MAP3K10: variants seen among roughly 807,000 people sequenced by gnomAD.
MAP3K10 encodes MKN28 derived nonreceptor_type serine/threonine kinase.
In MAP3K10, 22 loss-of-function variants were observed where a neutral mutation model predicts 75.0. That is an observed-to-expected ratio of 0.29 (90% CI 0.21 to 0.42). The LOEUF (loss-of-function observed/expected upper bound fraction) is 0.42. Among genes scored for constraint, MAP3K10 ranks in the 10% least tolerant of loss-of-function variants. The pLI, the probability that MAP3K10 is intolerant of heterozygous loss-of-function variation, is 1.00. For synonymous variants in MAP3K10, 599 were observed against 612.9 expected (o/e 0.98, Z 0.34); for missense variants, 1,165 against 1,379.8 (o/e 0.84, Z 2.47).
chr19:40,208,974 C>T, intron 5 of MAP3K10, 129 bp from the exon 6 acceptor site: 1 of 702,732 alleles, frequency 1.4e-6, no homozygotes, highest in Non-Finnish European at 2.5e-6. Flanking sequence ...CTCTGAGAAC[C>T]ACTGCATTAA....
In MAP3K10 at chr19:40,213,500, G is replaced by A. The variant is rs761865209; in HGVS notation, c.1838-17G>A. On this transcript the variant is annotated splice_polypyrimidine_tract_variant and intron_variant, in intron 8 of 9. Coordinates refer to ENST00000253055, the MANE Select transcript of MAP3K10 (RefSeq NM_002446.4). This position sits in a 1 kb window ranked among gnomAD's most constrained non-coding sequence, Gnocchi z 5.7. Reference sequence around the variant, plus strand: ...TGGCCAGCCCTGCAGCGGAGTGATGGCCCTCTCCGGTTGCAGAGGAGTTCG... The same window carrying A: ...TGGCCAGCCCTGCAGCGGAGTGATGACCCTCTCCGGTTGCAGAGGAGTTCG... 2 of 1,609,972 alleles carry A rather than the reference G, an allele frequency of 1.2e-6. No homozygotes were observed. The highest frequency in any genetic ancestry group is 1.1e-5 in the South Asian group (1 of 90,724).
Position 40,198,607 on chromosome 19 carries a change from G to C in MAP3K10, c.863+52G>C. 1 of 1,544,580 alleles carries C rather than the reference G, an allele frequency of 6.5e-7. No individual in the cohort carries two copies. The highest frequency in any genetic ancestry group is 8.8e-7 in the Non-Finnish European group (1 of 1,134,734). Reference sequence around the variant, plus strand: ...CTCTGGGGAGTAAGGGAGGGAGGAAGGGGTGAGGGCAGAGTGGGAGGGAGG... The same window carrying C: ...CTCTGGGGAGTAAGGGAGGGAGGAACGGGTGAGGGCAGAGTGGGAGGGAGG... On this transcript the variant is annotated intron_variant, in intron 2 of 9. Transcript: ENST00000253055. The surrounding 1 kb of genome is among the most constrained non-coding windows in gnomAD (Gnocchi z 4.3).
In MAP3K10 at chr19:40,192,009, C is replaced by T. The variant is rs1243746114; in HGVS notation, c.-23C>T. On this transcript the variant is annotated 5_prime_UTR_variant, in exon 1 of 10. Transcript: ENST00000253055. The surrounding 1 kb of genome is among the most constrained non-coding windows in gnomAD (Gnocchi z 7.1). ...CGGGCAGCCTGTGTGAAGCGGCCTC[C>T]CGCAGCCCCCGGCCCCTCCCCCATG... The T allele has an allele frequency of 4.3e-6, 6 of 1,395,184 alleles. No homozygotes were observed. The South Asian group carries it at 6.2e-5, about 14-fold the overall frequency. 86.4% of individuals were successfully genotyped at this position (1,395,184 alleles called of 1,614,324 possible). A position where few individuals can be genotyped will look rare whatever the true frequency, so the allele number is the denominator to read the frequency against.
rs1397270764 is a variant in MAP3K10, at chr19:40,191,982, C to G, written c.-50C>G. ...CCGCCGGGGCCCGCCCTCTGCATCC[C>G]GCGGGCAGCCTGTGTGAAGCGGCCT... On this transcript the variant is annotated 5_prime_UTR_variant, in exon 1 of 10. Transcript: ENST00000253055. 9 of 1,283,408 alleles carry G rather than the reference C, an allele frequency of 7.0e-6. No homozygotes were observed. The highest frequency in any genetic ancestry group is 5.8e-5 in the East Asian group (2 of 34,732). 79.5% of individuals were successfully genotyped at this position (1,283,408 alleles called of 1,614,324 possible).
chr19:40,207,011 A>T (rs1318176227), intron 5 of MAP3K10, among the ~76,000 whole-genome samples: 2 of 152,136 alleles, frequency 1.3e-5, no homozygotes, highest in Admixed American at 1.3e-4. Context: ...AGGCACAAGC[A>T]TCGCTTGAAC....
In MAP3K10 at chr19:40,205,274, A is replaced by G. The variant is rs1473487275; in HGVS notation, c.1166A>G (p.Asp389Gly). Residue 389 changes from aspartate (D) to glycine (G), a missense_variant, in exon 4 of 10, where the codon GAT becomes GGT. This residue lies in a region of MAP3K10 where 575 missense variants were observed against 793.2 expected (regional missense o/e 0.72). Coordinates refer to ENST00000253055, the MANE Select transcript of MAP3K10 (RefSeq NM_002446.4). This position sits in a 1 kb window ranked among gnomAD's most constrained non-coding sequence, Gnocchi z 4.3. ...DWKLEIQHMF[D>G]DLRTKEKELR... Reference sequence around the variant, plus strand: ...AAGCTGGAGATTCAGCACATGTTTGATGACCTTCGGACCAAGGAGAAGGTG... The same window carrying G: ...AAGCTGGAGATTCAGCACATGTTTGGTGACCTTCGGACCAAGGAGAAGGTG... 1.2e-6 allele frequency: 2 copies of G among 1,613,972 alleles called. No individual in the cohort carries two copies. The highest frequency in any genetic ancestry group is 2.7e-5 in the African/African-American group (2 of 74,926).
intron 6 of MAP3K10, among the ~76,000 whole-genome samples, chr19:40,209,539 A>C (rs1973196101): frequency 6.6e-6 from 1 of 151,602 alleles, no homozygotes. Context: ...CAGCCTCCCG[A>C]GTAGCTGTGG....
chr19:40,215,215 A>G lies in MAP3K10; in HGVS notation c.2788A>G (p.Thr930Ala). The change falls in exon 10 of 10, where the codon ACA becomes GCA. Residue 930 changes from threonine (T) to alanine (A), a missense_variant. By Grantham distance (58) the Thr-to-Ala change is moderately conservative (BLOSUM62 0). Around this residue, in one of 2 missense-constraint regions of MAP3K10, gnomAD observed 590 missense variants for 586.6 expected, o/e 1.01. Transcript: ENST00000253055. The part of the protein sequence containing the change: ...ESPGPPSVQP[T>A]LLDMDMEGQN... The stretch of plus-strand genomic sequence containing the variant: ...CCCTGGGCCCCCCAGCGTGCAGCCC[A>G]CACTGCTGGACATGGACATGGAGGG... 3 of 1,570,534 alleles carry G rather than the reference A, an allele frequency of 1.9e-6. No individual in the cohort carries two copies. Among genetic ancestry groups the G allele is most frequent in the Non-Finnish European group, 2.6e-6 (3 of 1,158,750 alleles).
rs538274388 is a variant in MAP3K10, at chr19:40,208,128, A to G, written c.1436-975A>G. Among the ~76,000 whole-genome samples the G allele has an allele frequency of 1.4e-4, 21 of 152,222 alleles. No homozygotes were observed. The East Asian group carries it at 1.9e-3, about 14-fold the overall frequency. ...CTCCAAACATGCTTAAATGTTTCCA[A>G]TAACCAAATGGAGTACCTGTTTTTT... On this transcript the variant is annotated intron_variant, in intron 5 of 9. Coordinates refer to ENST00000253055, the MANE Select transcript of MAP3K10 (RefSeq NM_002446.4).
At chr19:40,206,781 G>T (rs1436676865) in intron 5 of MAP3K10, among the ~76,000 whole-genome samples, 1 of 152,036 alleles carries the variant, frequency 6.6e-6, no homozygotes, top group African/African-American at 2.4e-5. Flanking sequence ...TCTTTTTCAT[G>T]TTATCTCTCT....
Position 40,198,590 on chromosome 19 carries a change from A to AGT in MAP3K10, c.863+36_863+37dup. 7 of 1,570,804 alleles carry AGT rather than the reference A, an allele frequency of 4.5e-6. No individual in the cohort carries two copies. Among genetic ancestry groups the AGT allele is most frequent in the Non-Finnish European group, 6.1e-6 (7 of 1,152,558 alleles). On this transcript the variant is annotated intron_variant, in intron 2 of 9. Transcript: ENST00000253055. The surrounding 1 kb of genome is among the most constrained non-coding windows in gnomAD (Gnocchi z 4.3). The stretch of plus-strand genomic sequence containing the variant: ...GGCGCGGCCGGGATGGCCTCTGGGG[A>AGT]GTAAGGGAGGGAGGAAGGGGTGAGG...
Position 40,204,423 on chromosome 19 carries a change from C to A in MAP3K10, c.864-62C>A. 6.4e-7 allele frequency: 1 copy of A among 1,562,094 alleles called. No homozygotes were observed. The highest frequency in any genetic ancestry group is 8.7e-7 in the Non-Finnish European group (1 of 1,153,348). ...GCCCTGCATGGGACCAAGGGCAGGG[C>A]TGGGTATAGGTGAGGATTGGGGTGG... On this transcript the variant is annotated intron_variant, in intron 2 of 9. Coordinates refer to ENST00000253055, the MANE Select transcript of MAP3K10 (RefSeq NM_002446.4). The surrounding 1 kb of genome is among the most constrained non-coding windows in gnomAD (Gnocchi z 4.3).
intron 2 of MAP3K10, among the ~76,000 whole-genome samples, chr19:40,200,353 G>A (rs1285707263): frequency 1.3e-5 from 2 of 152,172 alleles, no homozygotes; most frequent in Non-Finnish European, 2.9e-5. Flanking sequence ...TGATGGGTCT[G>A]TTGCTGTCAC....
In MAP3K10 at chr19:40,198,980, A is replaced by G. The variant is rs1281074263; in HGVS notation, c.863+425A>G. Among the ~76,000 whole-genome samples the G allele has an allele frequency of 6.6e-6, 1 of 152,210 alleles. No homozygotes were observed. Among genetic ancestry groups the G allele is most frequent in the Admixed American group, 6.5e-5 (1 of 15,280 alleles). The stretch of plus-strand genomic sequence containing the variant: ...CTACTCGGGAGACTGAGGCAGGAGA[A>G]TCACTTGAGGCCGGGAGGCAGAGAT... On this transcript the variant is annotated intron_variant, in intron 2 of 9. Transcript: ENST00000253055. The surrounding 1 kb of genome is among the most constrained non-coding windows in gnomAD (Gnocchi z 4.3).
chr19:40,202,786 C>T (rs752723123), intron 2 of MAP3K10, among the ~76,000 whole-genome samples: 72 of 152,252 alleles, frequency 4.7e-4, no homozygotes, highest in Non-Finnish European at 9.4e-4. Context: ...GCCGGGCACC[C>T]CTTCTTTTTG....
At chr19:40,214,427 A>G (rs1186653075) in intron 9 of MAP3K10, among the ~76,000 whole-genome samples, 3 of 152,198 alleles carry the variant, frequency 2.0e-5, no homozygotes, top group African/African-American at 4.8e-5. Context: ...ACTGATGCCT[A>G]TAAGGCCAGG....
chr19:40,214,991 T>TC lies in MAP3K10; in HGVS notation c.2569dup (p.Arg857ProfsTer17). On this transcript the variant is annotated frameshift_variant, in exon 10 of 10. Transcript: ENST00000253055. LOFTEE classifies it high-confidence loss of function. ...CCAGGCCCTCGTGACCTTCTGGACTTCCCCCGCCTGCCCGACCCCCAGGCC... is the reference window on the plus strand; with the variant it reads ...CCAGGCCCTCGTGACCTTCTGGACTTCCCCCCGCCTGCCCGACCCCCAGGCC... The TC allele has an allele frequency of 1.3e-6, 2 of 1,580,438 alleles. No homozygotes were observed. The highest frequency in any genetic ancestry group is 1.7e-6 in the Non-Finnish European group (2 of 1,158,232).
rs1973079290 is a variant in MAP3K10 at position 40,204,499 on chromosome 19, T to C, written c.878T>C (p.Leu293Pro). The C allele has an allele frequency of 6.2e-7, 1 of 1,613,560 alleles. No individual in the cohort carries two copies. Among genetic ancestry groups the C allele is most frequent in the South Asian group, 1.1e-5 (1 of 91,076 alleles). Reference sequence around the variant, plus strand: ...CCTGCCTGCAGCTTCGGGGTGCTGCTGTGGGAGCTGCTGACGGGGGAGGTC... The same window carrying C: ...CCTGCCTGCAGCTTCGGGGTGCTGCCGTGGGAGCTGCTGACGGGGGAGGTC... ...SSDVWSFGVL[L>P]WELLTGEVPY... is the part of the protein sequence containing the mutation. The change falls in exon 3 of 10, where the codon CTG (leucine) becomes CCG (proline). Residue 293 changes from leucine (L) to proline (P), a missense_variant. Coordinates refer to ENST00000253055, the MANE Select transcript of MAP3K10 (RefSeq NM_002446.4). This position sits in a 1 kb window ranked among gnomAD's most constrained non-coding sequence, Gnocchi z 4.3.
chr19:40,204,626 C>A lies in MAP3K10; in HGVS notation c.1005C>A (p.Leu335=). Residue 335 remains leucine (L), a synonymous_variant, in exon 3 of 10, where the codon CTC becomes CTA. Transcript: ENST00000253055. The surrounding 1 kb of genome is among the most constrained non-coding windows in gnomAD (Gnocchi z 4.3). ...CGTGCCCCGAGCCCTTTGCCCGCCTCCTGGAGGGTGAGCCGGGGCCCCGTG... is the reference window on the plus strand; with the variant it reads ...CGTGCCCCGAGCCCTTTGCCCGCCTACTGGAGGGTGAGCCGGGGCCCCGTG... ...PSTCPEPFAR[L]LEECWDPDPH... is the part of the protein sequence containing the mutation. 5 of 1,612,068 alleles carry A rather than the reference C, an allele frequency of 3.1e-6. No individual in the cohort carries two copies. Among genetic ancestry groups the A allele is most frequent in the Non-Finnish European group, 4.2e-6 (5 of 1,178,852 alleles).
Sources: gnomAD v4.1 joint callset for allele counts (sites outside exome capture counted in the v4.1 genomes callset) on GRCh38, gnomAD v4.1.1 for gene constraint, gnomAD v4.1.1 regional missense constraint, Gnocchi (gnomAD v3.1) non-coding constraint, MANE v1.5 for transcripts, NCBI Gene and HGNC (gene_info 2026-07-23, HGNC 2026-07-21) for gene names.